Variants in EPHA4 observed in about 807,000 individuals in gnomAD.
EPHA4 encodes the protein ephrin type-A receptor 4.
A neutral mutation model predicts 108.3 loss-of-function variants in EPHA4; 19 were observed. The observed-to-expected ratio is 0.18, with a 90% CI of 0.12 to 0.26. The LOEUF (loss-of-function observed/expected upper bound fraction) is 0.26. Among genes scored for constraint, EPHA4 ranks in the 10% least tolerant of loss-of-function variants. The pLI, the probability that EPHA4 is intolerant of heterozygous loss-of-function variation, is 1.00. For synonymous variants in EPHA4, 449 were observed against 455.5 expected (o/e 0.99, Z 0.18); for missense variants, 917 against 1,254.0 (o/e 0.73, Z 4.06).
chr2:221,524,825 A>T (rs1254829314), intron 3 of EPHA4, among the ~76,000 whole-genome samples: 1 of 152,210 alleles, frequency 6.6e-6, no homozygotes, highest in East Asian at 1.9e-4. Flanking sequence ...TGGCTACGGC[A>T]CGGCTACTGC....
intron 3 of EPHA4, among the ~76,000 whole-genome samples, chr2:221,563,397 T>C (rs915763800): frequency 6.6e-6 from 1 of 152,212 alleles, no homozygotes; most frequent in Non-Finnish European, 1.5e-5. Context: ...GGCTCAAAAA[T>C]GTGTCCGCCC....
rs770666173 is a variant in EPHA4 at position 221,426,603 on chromosome 2, A to G, written c.2707T>C (p.Leu903=). The stretch of plus-strand genomic sequence containing the variant: ...GAGAATTCAGGGGAGCTTGGATCCA[A>G]CAAGGCAGTGTTAGGTCTAGAAAGA... ...TESSRPNTAL[L]DPSSPEFSAV... is the part of the protein sequence containing the mutation. The change falls in exon 16 of 18, where the codon TTG becomes CTG. Residue 903 remains leucine (L), a synonymous_variant. Coordinates refer to ENST00000281821, the MANE Select transcript of EPHA4 (RefSeq NM_004438.5). The G allele has an allele frequency of 6.2e-7, 1 of 1,613,668 alleles. No homozygotes were observed. Among genetic ancestry groups the G allele is most frequent in the African/African-American group, 1.3e-5 (1 of 75,024 alleles).
At chr2:221,502,573 C>G (rs1223941883) in intron 3 of EPHA4, 9 of 471,238 alleles carry the variant, frequency 1.9e-5, no homozygotes, top group Middle Eastern at 3.2e-4. Flanking sequence ...TTGATTCTCT[C>G]TGGAGATAGG....
intron 5 of EPHA4, among the ~76,000 whole-genome samples, chr2:221,462,413 T>C (rs1336747077): frequency 6.6e-6 from 1 of 152,116 alleles, no homozygotes. Flanking sequence ...CAGCAGTTTT[T>C]AACCCAAAAC....
chr2:221,523,626 C>T lies in EPHA4; in HGVS notation c.824-22454G>A, dbSNP rs1693239029. 1.4e-5 allele frequency among the ~76,000 whole-genome samples: 2 copies of T among 140,864 alleles called. 1 individual carries two copies. The highest frequency in any genetic ancestry group is 4.9e-4 in the South Asian group (2 of 4,068). The allele number at this position is 140,864 out of a possible 152,430, so 92.4% of individuals were successfully genotyped here. ...TAACTTTTTTTGAGACAGAGCCTCC[C>T]TCTGTCACCCAGGCTGGAGTGCAGT... On this transcript the variant is annotated intron_variant, in intron 3 of 17. Transcript: ENST00000281821.
chr2:221,492,606 G>C (rs7573758), intron 4 of EPHA4, among the ~76,000 whole-genome samples: 2 of 151,938 alleles, frequency 1.3e-5, no homozygotes, highest in Non-Finnish European at 2.9e-5. Flanking sequence ...AAGGCAATCC[G>C]AAAGGAAGAA....
In EPHA4 at chr2:221,456,595, C is replaced by G. The variant is rs1223360989; in HGVS notation, c.1603+18G>C. The G allele has an allele frequency of 6.2e-7, 1 of 1,612,394 alleles. No homozygotes were observed. The highest frequency in any genetic ancestry group is 8.5e-7 in the Non-Finnish European group (1 of 1,178,866). ...AAAATAGCCTCAGAAGTGACTGAGT[C>G]TGGGTGGTCCTTGTTACCTGTGTTG... On this transcript the variant is annotated intron_variant, in intron 7 of 17. Transcript: ENST00000281821.
intron 4 of EPHA4, among the ~76,000 whole-genome samples, chr2:221,483,286 G>C (rs148019422): frequency 1.3e-3 from 204 of 152,172 alleles, no homozygotes; most frequent in African/African-American, 4.6e-3. Context: ...GAGATGGCAG[G>C]GGTTTTGTTC....
In EPHA4 at chr2:221,517,573, G is replaced by T. The variant is rs183580566; in HGVS notation, c.824-16401C>A. 4.5e-4 allele frequency among the ~76,000 whole-genome samples: 69 copies of T among 152,120 alleles called. 2 individuals are homozygous for T. The highest frequency in any genetic ancestry group is 3.9e-3 in the Admixed American group (59 of 15,282). On this transcript the variant is annotated intron_variant, in intron 3 of 17. Transcript: ENST00000281821. ...ACCAGGGTGGAGGAGGGCGAGCCGG[G>T]AGTCGAGAGTTCCAAGTAAGTGACA... is the stretch of plus-strand genomic sequence containing the variant.
At position 221,443,596 on chromosome 2, in the gene EPHA4, T is replaced by C. The variant is rs1216279537; in HGVS notation, c.1785A>G (p.Thr595=). ...CTTCGTACGTAAAGGGGTCCACATA[T>C]GTTCTTACACCTGAGTGATAAACAT... The part of the protein sequence containing the change: ...EEKHLNQGVR[T]YVDPFTYEDP... Residue 595 remains threonine (T), a synonymous_variant, in exon 10 of 18, where the codon ACA becomes ACG. Transcript: ENST00000281821. 1.9e-6 allele frequency: 3 copies of C among 1,613,358 alleles called. No individual in the cohort carries two copies. Among genetic ancestry groups the C allele is most frequent in the African/African-American group, 1.3e-5 (1 of 75,036 alleles).
chr2:221,455,586 A>G lies in EPHA4; in HGVS notation c.1676T>C (p.Leu559Pro). ...AAAAGCTGCAATGAGAATTACCACC[A>G]GCACCACACTGCCCGAGACAGAGAC... is the stretch of plus-strand genomic sequence containing the variant. ...LLVSVSGSVV[L>P]VVILIAAFVI... Residue 559 changes from leucine to proline, a missense_variant, in exon 8 of 18, where the codon CTG (leucine) becomes CCG (proline). Leu to Pro is a moderately conservative substitution (Grantham distance 98). Around this residue, in one of 3 missense-constraint regions of EPHA4, gnomAD observed 758 missense variants for 1,076.7 expected, o/e 0.70. Transcript: ENST00000281821. 1 of 1,614,016 alleles carries G rather than the reference A, an allele frequency of 6.2e-7. No individual in the cohort carries two copies. Among genetic ancestry groups the G allele is most frequent in the Non-Finnish European group, 8.5e-7 (1 of 1,179,932 alleles).
At chr2:221,566,216 G>A (rs1694623440) in intron 2 of EPHA4, among the ~76,000 whole-genome samples, 1 of 152,016 alleles carries the variant, frequency 6.6e-6, no homozygotes. Flanking sequence ...TGGTGGTATT[G>A]TCAAATCAAG....
chr2:221,504,224 T>C (rs1181491970), intron 3 of EPHA4, among the ~76,000 whole-genome samples: 2 of 152,210 alleles, frequency 1.3e-5, no homozygotes, highest in African/African-American at 4.8e-5. Context: ...GGTGTCTTAC[T>C]TGATCTTCTA....
chr2:221,499,745 TATA>T (rs1459201590), intron 4 of EPHA4, among the ~76,000 whole-genome samples: 622 of 60,360 alleles, frequency 0.01, 17 homozygotes, highest in Non-Finnish European at 0.015. Flanking sequence ...TATATATATA[TATA>T]TATATATATT....
chr2:221,441,150 A>C (rs941197811), intron 11 of EPHA4, among the ~76,000 whole-genome samples: 6 of 150,100 alleles, frequency 4.0e-5, no homozygotes, highest in Non-Finnish European at 7.4e-5. Flanking sequence ...TTTGTGTCCT[A>C]CTAGCCACCT....
chr2:221,539,437 G>A (rs187539122), intron 3 of EPHA4, among the ~76,000 whole-genome samples: 1 of 152,296 alleles, frequency 6.6e-6, no homozygotes, highest in Admixed American at 6.5e-5. Flanking sequence ...CAATCAAAAT[G>A]CTGGTGGGAG....
Position 221,507,121 on chromosome 2 carries a change from T to C in EPHA4, c.824-5949A>G, listed in dbSNP as rs575899215. On this transcript the variant is annotated intron_variant, in intron 3 of 17. Transcript: ENST00000281821. ...TGCCAACCAGTGATCTTGTAGGACA[T>C]GTTCATTTTTGAGATGAATAACTTG... Among the ~76,000 whole-genome samples the C allele has an allele frequency of 5.3e-5, 8 of 152,330 alleles. No homozygotes were observed. The East Asian group carries it at 9.6e-4, about 18-fold the overall frequency.
chr2:221,443,445 T>C (rs778453457), intron 10 of EPHA4, 48 bp downstream of exon 10: 8 of 1,351,770 alleles, frequency 5.9e-6, no homozygotes, highest in Non-Finnish European at 8.5e-6. Flanking sequence ...ATATTTAACA[T>C]CCACCAAGAA....
intron 3 of EPHA4, chr2:221,502,437 A>G (rs765747130): frequency 8.6e-6 from 4 of 462,674 alleles, no homozygotes; most frequent in Non-Finnish European, 1.8e-5. Flanking sequence ...ATACTATCAG[A>G]AACAGCAGTG....
Sources: allele counts gnomAD v4.1 joint callset (sites outside exome capture counted in the v4.1 genomes callset), GRCh38; gene constraint gnomAD v4.1.1; regional missense constraint gnomAD v4.1.1; transcripts MANE v1.5; gene names NCBI Gene and HGNC (gene_info 2026-07-23, HGNC 2026-07-21).